ACAN: variants seen among roughly 807,000 people sequenced by gnomAD.
ACAN encodes the protein aggrecan core protein.
A neutral mutation model predicts 169.1 loss-of-function variants in ACAN; 47 were observed. The ratio of observed to expected loss-of-function variants is 0.28; its 90% confidence interval spans 0.22 to 0.35. The LOEUF is 0.35. Ranked by LOEUF, ACAN falls within the 10% of genes least tolerant of loss-of-function variation. The pLI is 1.00. For synonymous variants in ACAN, 1,115 were observed against 1,112.2 expected (o/e 1.00, Z -0.05); for missense variants, 2,716 against 2,759.9 (o/e 0.98, Z 0.36).
chr15:88,860,072 C>CTTTTTTTTTTTTTT lies in ACAN; in HGVS notation c.6833-246_6833-233dup, dbSNP rs57985365. ...GCACTGGTAGCGGTAGCTGATTTTC[C>CTTTTTTTTTTTTTT]TTTTTTTTTTTTTTTTTTTTTGCTC... On this transcript the variant is annotated intron_variant, in intron 12 of 18. Coordinates refer to ENST00000560601, the MANE Select transcript of ACAN (RefSeq NM_001369268.1). Among the ~76,000 whole-genome samples, 29 of 102,892 alleles carry CTTTTTTTTTTTTTT rather than the reference C, an allele frequency of 2.8e-4. 3 individuals carry two copies. Among genetic ancestry groups the CTTTTTTTTTTTTTT allele is most frequent in the African/African-American group, 1.1e-3 (23 of 21,162 alleles). 67.5% of individuals were successfully genotyped at this position (102,892 alleles called of 152,430 possible).
chr15:88,809,762 G>A (rs1732810762), intron 1 of ACAN, among the ~76,000 whole-genome samples: 1 of 152,218 alleles, frequency 6.6e-6, no homozygotes, highest in African/African-American at 2.4e-5. Flanking sequence ...AGCCCCACAG[G>A]GGCATCCCCA....
intron 1 of ACAN, among the ~76,000 whole-genome samples, chr15:88,821,002 C>CCG (rs1329147670): frequency 6.6e-6 from 1 of 152,116 alleles, no homozygotes; most frequent in East Asian, 1.9e-4. Flanking sequence ...AGGAGAAGTG[C>CCG]TGAGCAAAGG....
intron 1 of ACAN, among the ~76,000 whole-genome samples, chr15:88,809,895 T>TA (rs1165676070): frequency 1.3e-5 from 2 of 152,230 alleles, no homozygotes; most frequent in East Asian, 3.9e-4. Context: ...TGTCATTGAA[T>TA]ACCTCCACTT....
rs1567186902 is a variant in ACAN, at chr15:88,858,007, G to A, written c.5422G>A (p.Ala1808Thr). The change falls in exon 12 of 19, where the codon GCA becomes ACA. Residue 1808 changes from alanine (A) to threonine (T), a missense_variant. By Grantham distance (58) the Ala-to-Thr change is moderately conservative. Around this residue, in one of 3 missense-constraint regions of ACAN, gnomAD observed 1,389 missense variants for 1,363.7 expected, o/e 1.02. Coordinates refer to ENST00000560601, the MANE Select transcript of ACAN (RefSeq NM_001369268.1). The surrounding 1 kb of genome is among the most constrained non-coding windows in gnomAD (Gnocchi z 4.0). ...TTCAGGGTTACCAGGGTTCAGTGGG[G>A]CAACATCAGGAGTCCCTGACCTGGT... Reference protein sequence around the residue: ...QPSGLPGFSGATSGVPDLVSG... With the variant: ...QPSGLPGFSGTTSGVPDLVSG... 8 of 1,613,948 alleles carry A rather than the reference G, an allele frequency of 5.0e-6. No individual in the cohort carries two copies. Among genetic ancestry groups the A allele is most frequent in the African/African-American group, 4.0e-5 (3 of 75,046 alleles).
intron 6 of ACAN, 69 bp from the exon 7 acceptor site, chr15:88,845,436 C>T (rs1896767707): frequency 3.3e-6 from 5 of 1,531,488 alleles, no homozygotes; most frequent in Non-Finnish European, 4.4e-6. Flanking sequence ...TCATCTCCAG[C>T]CCACTCCTCA....
At chr15:88,813,725 A>G (rs1735657729) in intron 1 of ACAN, among the ~76,000 whole-genome samples, 1 of 152,190 alleles carries the variant, frequency 6.6e-6, no homozygotes, top group South Asian at 2.1e-4. Flanking sequence ...TCTGTGCCAC[A>G]GTAGGAAGCA....
At position 88,838,047 on chromosome 15, in the gene ACAN, T is replaced by A. The variant is rs1409475418; in HGVS notation, c.71-616T>A. 6.6e-6 allele frequency among the ~76,000 whole-genome samples: 1 copy of A among 151,898 alleles called. No homozygotes were observed. Among genetic ancestry groups the A allele is most frequent in the Non-Finnish European group, 1.5e-5 (1 of 68,002 alleles). On this transcript the variant is annotated intron_variant, in intron 2 of 18. Transcript: ENST00000560601. The surrounding 1 kb of genome is among the most constrained non-coding windows in gnomAD (Gnocchi z 5.1). The stretch of plus-strand genomic sequence containing the variant: ...TGGAGTCTGATCCTATCCCATCGCC[T>A]CTCCTGCATCTGACTGTTTGCACAC...
intron 1 of ACAN, among the ~76,000 whole-genome samples, chr15:88,822,852 A>G (rs912372401): frequency 6.6e-6 from 1 of 152,170 alleles, no homozygotes; most frequent in Non-Finnish European, 1.5e-5. Context: ...CTTACCTTTG[A>G]CTAGATCCAA....
At position 88,843,420 on chromosome 15, in the gene ACAN, C is replaced by T. The variant is rs1198605516; in HGVS notation, c.823C>T (p.Arg275Trp). 7.5e-6 allele frequency: 12 copies of T among 1,604,606 alleles called. No homozygotes were observed. Among genetic ancestry groups the T allele is most frequent in the African/African-American group, 2.7e-5 (2 of 74,830 alleles). Reference protein sequence around the residue: ...TFQEAANECRRLGARLATTGQ... With the variant: ...TFQEAANECRWLGARLATTGQ... ...CCAGGAAGCAGCCAATGAGTGCCGG[C>T]GGCTGGGTGCCCGGCTGGCCACCAC... is the stretch of plus-strand genomic sequence containing the variant. Residue 275 changes from arginine (R) to tryptophan (W), a missense_variant, in exon 6 of 19, where the codon CGG becomes TGG. Arg to Trp is a moderately radical substitution (Grantham distance 101). Coordinates refer to ENST00000560601, the MANE Select transcript of ACAN (RefSeq NM_001369268.1). The surrounding 1 kb of genome is among the most constrained non-coding windows in gnomAD (Gnocchi z 4.0).
In ACAN at chr15:88,851,175, G is replaced by A. The variant is rs551527471; in HGVS notation, c.2027-619G>A. The A allele has an allele frequency of 2.2e-3, 336 of 153,604 alleles. 1 individual carries two copies. The highest frequency in any genetic ancestry group is 3.3e-4 in the Non-Finnish European group (23 of 69,148). 9.5% of individuals were successfully genotyped at this position (153,604 alleles called of 1,614,324 possible). On this transcript the variant is annotated intron_variant, in intron 10 of 18. Transcript: ENST00000560601. The surrounding 1 kb of genome is among the most constrained non-coding windows in gnomAD (Gnocchi z 4.3). ...TTATCCTGCACAGTTCAGCTTCCTTGCTGACCAAGCCCACTGCTGGTTTCC... is the reference window on the plus strand; with the variant it reads ...TTATCCTGCACAGTTCAGCTTCCTTACTGACCAAGCCCACTGCTGGTTTCC...
intron 1 of ACAN, among the ~76,000 whole-genome samples, chr15:88,820,867 T>C (rs1215660643): frequency 6.6e-6 from 1 of 152,120 alleles, no homozygotes; most frequent in African/African-American, 2.4e-5. Context: ...TACCCAAGAC[T>C]GGGTAATTTA....
rs891232104 is a variant in ACAN, at chr15:88,849,588, C to A, written c.1883C>A (p.Ala628Asp). 1 of 1,607,422 alleles carries A rather than the reference C, an allele frequency of 6.2e-7. No individual in the cohort carries two copies. The highest frequency in any genetic ancestry group is 8.5e-7 in the Non-Finnish European group (1 of 1,177,768). Residue 628 changes from alanine (A) to aspartate (D), a missense_variant, in exon 10 of 19, where the codon GCC (alanine) becomes GAC (aspartate). By Grantham distance (126) the Ala-to-Asp change is moderately radical. Transcript: ENST00000560601. This position sits in a 1 kb window ranked among gnomAD's most constrained non-coding sequence, Gnocchi z 5.1. The stretch of plus-strand genomic sequence containing the variant: ...GACAAGTGCTATGCCGGCTGGCTGG[C>A]CGACGGCAGCCTCCGCTACCCCATC... ...GLDKCYAGWL[A>D]DGSLRYPIVT...
chr15:88,860,515 G>C, intron 13 of ACAN, 76 bp downstream of exon 13: 1 of 1,299,996 alleles, frequency 7.7e-7, no homozygotes, highest in Admixed American at 2.0e-5. Context: ...AGGGTCCCCA[G>C]GTGGGAGGAG....
intron 1 of ACAN, among the ~76,000 whole-genome samples, chr15:88,834,130 G>T (rs972405396): frequency 6.6e-6 from 1 of 152,254 alleles, no homozygotes; most frequent in South Asian, 2.1e-4. Flanking sequence ...TCTTTAAAAG[G>T]CAGCATCTAG....
intron 6 of ACAN, 74 bp from the exon 7 acceptor site, chr15:88,845,431 T>A: frequency 6.6e-7 from 1 of 1,524,034 alleles, no homozygotes; most frequent in Non-Finnish European, 8.8e-7. Flanking sequence ...CATGCTCATC[T>A]CCAGCCCACT....
chr15:88,844,804 A>G (rs1305854453), intron 6 of ACAN, among the ~76,000 whole-genome samples: 8 of 152,232 alleles, frequency 5.3e-5, no homozygotes, highest in African/African-American at 1.9e-4. Flanking sequence ...TTACATGCTA[A>G]TTCTTGGAGG....
intron 1 of ACAN, among the ~76,000 whole-genome samples, chr15:88,810,922 C>T (rs890887563): frequency 6.6e-6 from 1 of 152,206 alleles, no homozygotes; most frequent in Non-Finnish European, 1.5e-5. Flanking sequence ...CTAAGATCTT[C>T]TCTCTAGCCC....
intron 1 of ACAN, among the ~76,000 whole-genome samples, chr15:88,819,763 C>T (rs1896028900): frequency 6.6e-6 from 1 of 152,038 alleles, no homozygotes; most frequent in South Asian, 2.1e-4. Flanking sequence ...AAGACCCTAT[C>T]TCTAAAAAAC....
At chr15:88,818,418 A>G (rs1895994522) in intron 1 of ACAN, among the ~76,000 whole-genome samples, 1 of 152,224 alleles carries the variant, frequency 6.6e-6, no homozygotes, top group Non-Finnish European at 1.5e-5. Context: ...GAAATTCCGC[A>G]GGTTCTCCTC....
Sources: gnomAD v4.1 joint callset for allele counts (sites outside exome capture counted in the v4.1 genomes callset) on GRCh38, gnomAD v4.1.1 for gene constraint, gnomAD v4.1.1 regional missense constraint, Gnocchi (gnomAD v3.1) non-coding constraint, MANE v1.5 for transcripts, NCBI Gene and HGNC (gene_info 2026-07-23, HGNC 2026-07-21) for gene names.